Variants in TNRC18 observed in about 807,000 individuals in gnomAD.
TNRC18 encodes the protein trinucleotide repeat containing 18, also known as trinucleotide repeat-containing gene 18 protein.
TNRC18 carries 69 observed loss-of-function variants against 226.7 expected under a neutral mutation model. The ratio of observed to expected loss-of-function variants is 0.30; its 90% confidence interval spans 0.25 to 0.37. The LOEUF is 0.37. TNRC18 is among the 10% of genes least tolerant of loss of function. The probability of loss-of-function intolerance (pLI) is 1.00; values close to 1 mark genes in which losing one functional copy is unlikely to be tolerated. For synonymous variants in TNRC18, 2,449 were observed against 1,927.6 expected, an observed-to-expected ratio of 1.27 and a Z score of -7.09; for missense variants, 4,754 against 4,256.6, an observed-to-expected ratio of 1.12 and a Z score of -3.25.
rs1180498267 is a variant in TNRC18, at chr7:5,377,039, G to A, written c.2462-46C>T. On this transcript the variant is annotated intron_variant, in intron 7 of 29. Coordinates refer to ENST00000430969, the MANE Select transcript of TNRC18 (RefSeq NM_001080495.3). This position sits in a 1 kb window ranked among gnomAD's most constrained non-coding sequence, Gnocchi z 5.8. ...CTGAGTCAGTGCTGGGAGCCCCCAAGCGGTTTGTCCTCGGGCAGCCCCAGC... is the reference window on the plus strand; with the variant it reads ...CTGAGTCAGTGCTGGGAGCCCCCAAACGGTTTGTCCTCGGGCAGCCCCAGC... 15 of 1,543,108 alleles carry A rather than the reference G, an allele frequency of 9.7e-6. No individual in the cohort carries two copies. Among genetic ancestry groups the A allele is most frequent in the Admixed American group, 2.1e-5 (1 of 47,418 alleles).
chr7:5,322,494 T>C (rs9639977), intron 21 of TNRC18, among the ~76,000 whole-genome samples: 113,387 of 152,044 alleles, frequency 0.75, 42,510 homozygotes, highest in East Asian at 0.9. Flanking sequence ...GGGTCCACTA[T>C]GTTGCCCAAC....
chr7:5,413,808 C>CA (rs1440571612), intron 2 of TNRC18, among the ~76,000 whole-genome samples: 1 of 152,250 alleles, frequency 6.6e-6, no homozygotes, highest in African/African-American at 2.4e-5. Flanking sequence ...GGTGGGATTA[C>CA]AGGCATGAGC....
chr7:5,395,503 C>T (rs1780612542), intron 2 of TNRC18, among the ~76,000 whole-genome samples: 1 of 152,232 alleles, frequency 6.6e-6, no homozygotes, highest in Non-Finnish European at 1.5e-5. Flanking sequence ...GGGGCTCTGT[C>T]CCACGAGCCC....
chr7:5,365,973 A>G (rs1374155661), intron 11 of TNRC18, among the ~76,000 whole-genome samples: 2 of 152,280 alleles, frequency 1.3e-5, no homozygotes, highest in East Asian at 3.9e-4. Flanking sequence ...CAGGAGGCTG[A>G]GGCAGGAGAG....
chr7:5,420,947 G>T, intron 2 of TNRC18, 113 bp downstream of exon 2: 1 of 1,351,042 alleles, frequency 7.4e-7, no homozygotes, highest in Non-Finnish European at 1.0e-6. Context: ...CCGCACCCCC[G>T]TGGCCGACCG....
At position 5,354,013 on chromosome 7, in the gene TNRC18, G is replaced by A. The variant is rs201792667; in HGVS notation, c.5195-1919C>T. ...AGGTCAGGAGCTCAAGACCAGCCTG[G>A]CCAATGTGGTGAAACCCCGTCTCTA... is the stretch of plus-strand genomic sequence containing the variant. On this transcript the variant is annotated intron_variant, in intron 16 of 29. Transcript: ENST00000430969. Among the ~76,000 whole-genome samples, 90 of 152,130 alleles carry A rather than the reference G, an allele frequency of 5.9e-4. 1 individual carries two copies. In the East Asian group the frequency reaches 0.016, roughly 26 times the overall value.
intron 5 of TNRC18, among the ~76,000 whole-genome samples, chr7:5,380,954 AG>A (rs1457830943): frequency 2.6e-5 from 4 of 152,176 alleles, no homozygotes; most frequent in Non-Finnish European, 5.9e-5. Flanking sequence ...CTTTGAGCAC[AG>A]GGCTCTCCCC....
rs539450384 is a variant in TNRC18 at position 5,405,530 on chromosome 7, C to T, written c.188-10935G>A. Among the ~76,000 whole-genome samples the T allele has an allele frequency of 1.2e-3, 176 of 152,244 alleles. 3 individuals are homozygous for T. The South Asian group carries it at 0.033, about 29-fold the overall frequency. Reference sequence around the variant, plus strand: ...GTTGCAGTGAGCCGAGATTGTGCCACGGCACTCCAGCCTGGGTGACAGAGC... The same window carrying T: ...GTTGCAGTGAGCCGAGATTGTGCCATGGCACTCCAGCCTGGGTGACAGAGC... On this transcript the variant is annotated intron_variant, in intron 2 of 29. Coordinates refer to ENST00000430969, the MANE Select transcript of TNRC18 (RefSeq NM_001080495.3).
chr7:5,351,196 G>A (rs1469433399), intron 17 of TNRC18, among the ~76,000 whole-genome samples: 1 of 152,064 alleles, frequency 6.6e-6, no homozygotes, highest in African/African-American at 2.4e-5. Flanking sequence ...GTGGGGAGGA[G>A]GGAGGGGAGG....
intron 5 of TNRC18, among the ~76,000 whole-genome samples, chr7:5,383,800 T>C (rs937966685): frequency 1.8e-4 from 27 of 151,930 alleles, no homozygotes; most frequent in African/African-American, 5.6e-4. Context: ...CCCTACTTTT[T>C]TGTTCTTTTA....
intron 11 of TNRC18, among the ~76,000 whole-genome samples, chr7:5,366,105 T>C (rs888632598): frequency 6.6e-6 from 1 of 151,986 alleles, no homozygotes; most frequent in Non-Finnish European, 1.5e-5. Context: ...TTCTCTTCCT[T>C]GGCACTATTC....
In TNRC18 at chr7:5,370,562, G is replaced by C. The variant is rs767919692; in HGVS notation, c.4032C>G (p.Ala1344=). 11 of 1,611,578 alleles carry C rather than the reference G, an allele frequency of 6.8e-6. No homozygotes were observed. Among genetic ancestry groups the C allele is most frequent in the Admixed American group, 6.7e-5 (4 of 59,700 alleles). The part of the protein sequence containing the change: ...SLEDPLAGMN[A]LAAAAELPQA... ...GGGGCAGCTCCGCAGCTGCCGCCAG[G>C]GCGTTCATGCCAGCCAGTGGGTCCT... The change falls in exon 11 of 30, where the codon GCC becomes GCG. Residue 1344 remains alanine, a synonymous_variant. Transcript: ENST00000430969.
intron 21 of TNRC18, among the ~76,000 whole-genome samples, chr7:5,323,099 G>C (rs1340737712): frequency 6.6e-6 from 1 of 152,210 alleles, no homozygotes; most frequent in Non-Finnish European, 1.5e-5. Flanking sequence ...TGGCCACCCA[G>C]CAGCCCTACA....
intron 19 of TNRC18, among the ~76,000 whole-genome samples, chr7:5,326,922 A>G (rs370564239): frequency 2.5e-4 from 38 of 152,096 alleles, no homozygotes; most frequent in African/African-American, 8.7e-4. Context: ...CAGGAGATCG[A>G]GACCATCCTG....
chr7:5,411,742 G>A (rs1490643139), intron 2 of TNRC18, among the ~76,000 whole-genome samples: 1 of 152,036 alleles, frequency 6.6e-6, no homozygotes, highest in African/African-American at 2.4e-5. Flanking sequence ...GAGGCAAAGG[G>A]AGTCTGAAGA....
Position 5,370,870 on chromosome 7 carries a change from C to T in TNRC18, c.3724G>A (p.Ala1242Thr), listed in dbSNP as rs61743880. 1,972 of 1,608,056 alleles carry T rather than the reference C, an allele frequency of 1.2e-3. 24 individuals are homozygous for T. In the African/African-American group the frequency reaches 0.023, roughly 19 times the overall value. The change falls in exon 11 of 30, where the codon GCC (alanine) becomes ACC (threonine). Residue 1242 changes from alanine (A) to threonine (T), a missense_variant. By Grantham distance (58) the Ala-to-Thr change is moderately conservative. Transcript: ENST00000430969. ...GTCAGCTGCACCCCCAGGTCCAGGG[C>T]GGCGGTGCAGGGTTCTGTCCGGCCC... Reference protein sequence around the residue: ...SPGRTEPCTAALDLGVQLTPE... With the variant: ...SPGRTEPCTATLDLGVQLTPE...
At position 5,312,667 on chromosome 7, in the gene TNRC18, G is replaced by C. The variant is rs1003816786; in HGVS notation, c.8224C>G (p.Gln2742Glu). 1.9e-6 allele frequency: 3 copies of C among 1,606,730 alleles called. No individual in the cohort carries two copies. Among genetic ancestry groups the C allele is most frequent in the African/African-American group, 2.7e-5 (2 of 74,728 alleles). The change falls in exon 27 of 30, where the codon CAG (glutamine) becomes GAG (glutamate). Residue 2742 changes from glutamine to glutamate, a missense_variant. By Grantham distance (29) the Gln-to-Glu change is conservative. Coordinates refer to ENST00000430969, the MANE Select transcript of TNRC18 (RefSeq NM_001080495.3). The surrounding 1 kb of genome is among the most constrained non-coding windows in gnomAD (Gnocchi z 6.3). ...TTGGGTCGGCTCTTGGCCCCGGCCT[G>C]AGCCTTGGGCTGCAGAGGCTGTGTG... ...QPTQPLQPKAQAGAKSRPKKR... is the reference protein window; with the variant it reads ...QPTQPLQPKAEAGAKSRPKKR...
Position 5,324,357 on chromosome 7 carries a change from TG to T in TNRC18, c.6301-3del, listed in dbSNP as rs1251893961. On this transcript the variant is annotated splice_region_variant and splice_polypyrimidine_tract_variant and intron_variant, in intron 20 of 29. Coordinates refer to ENST00000430969, the MANE Select transcript of TNRC18 (RefSeq NM_001080495.3). This position sits in a 1 kb window ranked among gnomAD's most constrained non-coding sequence, Gnocchi z 4.8. ...CACGGCACCCCCCTTGCCGCGGTTC[TG>T]GGGACAGAACATGGCCGACAAATGA... is the stretch of plus-strand genomic sequence containing the variant. 1 of 1,613,112 alleles carries T rather than the reference TG, an allele frequency of 6.2e-7. No individual in the cohort carries two copies. Among genetic ancestry groups the T allele is most frequent in the Non-Finnish European group, 8.5e-7 (1 of 1,179,710 alleles).
chr7:5,367,628 A>AT (rs1339956528), intron 11 of TNRC18, among the ~76,000 whole-genome samples: 1 of 151,560 alleles, frequency 6.6e-6, no homozygotes, highest in Non-Finnish European at 1.5e-5. Context: ...GGGTTTCACC[A>AT]TGTTGGCCAG....
Sources: gnomAD v4.1 joint callset for allele counts (sites outside exome capture counted in the v4.1 genomes callset) on GRCh38, gnomAD v4.1.1 for gene constraint, Gnocchi (gnomAD v3.1) non-coding constraint, MANE v1.5 for transcripts, NCBI Gene and HGNC (gene_info 2026-07-23, HGNC 2026-07-21) for gene names.